HPSE2: variants seen among roughly 807,000 people sequenced by gnomAD.
HPSE2 encodes heparanase 2 (inactive).
A neutral mutation model predicts 60.5 loss-of-function variants in HPSE2; 38 were observed. The observed-to-expected ratio is 0.63, with a 90% CI of 0.48 to 0.82. The LOEUF (loss-of-function observed/expected upper bound fraction) is 0.82. Among genes scored for constraint, HPSE2 ranks in the 40% least tolerant of loss-of-function variants. The pLI is 0.00. For missense variants in HPSE2, 713 were observed against 740.4 expected, an observed-to-expected ratio of 0.96 and a Z score of 0.43; for synonymous variants, 295 against 293.2, an observed-to-expected ratio of 1.01 and a Z score of -0.06.
In HPSE2 at chr10:98,938,736, G is replaced by T. The variant is rs555980767; in HGVS notation, c.611-194680C>A. ...TTCAGACTCAGGAAATACAGAGAAC[G>T]CCACAAAGATACTCCTCAAGAAGAG... is the stretch of plus-strand genomic sequence containing the variant. On this transcript the variant is annotated intron_variant, in intron 3 of 11. Coordinates refer to ENST00000370552, the MANE Select transcript of HPSE2 (RefSeq NM_021828.5). Among the ~76,000 whole-genome samples the T allele has an allele frequency of 1.4e-5, 2 of 143,128 alleles. 1 individual carries two copies. The highest frequency in any genetic ancestry group is 5.7e-5 in the African/African-American group (2 of 35,034). 93.9% of individuals were successfully genotyped at this position (143,128 alleles called of 152,430 possible).
intron 3 of HPSE2, among the ~76,000 whole-genome samples, chr10:98,744,670 A>G (rs927178302): frequency 6.6e-6 from 1 of 152,154 alleles, no homozygotes; most frequent in African/African-American, 2.4e-5. Context: ...ATGTTTGAAA[A>G]TGGGAAGATT....
intron 3 of HPSE2, among the ~76,000 whole-genome samples, chr10:98,767,925 T>C (rs988270855): frequency 4.7e-5 from 7 of 148,670 alleles, no homozygotes; most frequent in African/African-American, 1.7e-4. Context: ...ATTAAACTGA[T>C]ACATATTTAT....
At chr10:99,081,686 G>A (rs549890325) in intron 3 of HPSE2, among the ~76,000 whole-genome samples, 1 of 151,856 alleles carries the variant, frequency 6.6e-6, no homozygotes, top group South Asian at 2.1e-4. Flanking sequence ...ACCCAGGCTG[G>A]AGTGCAGTGG....
At chr10:99,304,914 A>G in the HPSE2 span, among the ~76,000 whole-genome samples, 58 of 152,264 alleles carry the variant, frequency 3.8e-4, no homozygotes, top group Non-Finnish European at 6.8e-4. Flanking sequence ...AATTTTTAAG[A>G]TGAGTCAAAA....
intron 3 of HPSE2, among the ~76,000 whole-genome samples, chr10:98,918,804 A>G (rs1954198894): frequency 6.6e-6 from 1 of 151,582 alleles, no homozygotes; most frequent in African/African-American, 2.4e-5. Flanking sequence ...CATTGTGCAC[A>G]TGTACCCTAA....
At chr10:98,580,836 A>ATATATG in intron 9 of HPSE2, among the ~76,000 whole-genome samples, 1 of 119,558 alleles carries the variant, frequency 8.4e-6, no homozygotes, top group East Asian at 2.2e-4. Context: ...ATATATATAT[A>ATATATG]TGTGTGTGTG....
chr10:99,192,446 C>CT (rs993351724), intron 2 of HPSE2, among the ~76,000 whole-genome samples: 6 of 151,216 alleles, frequency 4.0e-5, no homozygotes, highest in African/African-American at 9.7e-5. Flanking sequence ...AGTAGCATGA[C>CT]TTTTTTTTTA....
intron 2 of HPSE2, among the ~76,000 whole-genome samples, chr10:99,217,512 A>G (rs1849168545): frequency 6.6e-6 from 1 of 151,556 alleles, no homozygotes; most frequent in Non-Finnish European, 1.5e-5. Flanking sequence ...ACCTGGGGAG[A>G]TTTTTTTTAA....
chr10:98,918,073 T>C (rs549062998), intron 3 of HPSE2, among the ~76,000 whole-genome samples: 13 of 152,320 alleles, frequency 8.5e-5, no homozygotes, highest in Non-Finnish European at 1.8e-4. Flanking sequence ...GTTGACCCAG[T>C]AGTGAGGCAA....
chr10:98,816,240 C>T (rs897056291), intron 3 of HPSE2, among the ~76,000 whole-genome samples: 1 of 151,958 alleles, frequency 6.6e-6, no homozygotes, highest in African/African-American at 2.4e-5. Context: ...CCATTACAAT[C>T]TACAGGTTTT....
intron 3 of HPSE2, among the ~76,000 whole-genome samples, chr10:98,793,517 G>A (rs114995148): frequency 0.014 from 2,113 of 152,320 alleles, 43 homozygotes; most frequent in African/African-American, 0.048. Flanking sequence ...GAAGTCATCA[G>A]AACAGACAAG....
At chr10:98,467,791 C>T (rs1309110588) in intron 11 of HPSE2, among the ~76,000 whole-genome samples, 3 of 152,276 alleles carry the variant, frequency 2.0e-5, no homozygotes, top group African/African-American at 7.2e-5. Flanking sequence ...CAATCAAATC[C>T]CAACCAGAAC....
chr10:99,155,636 CCA>C (rs1846514111), intron 2 of HPSE2, among the ~76,000 whole-genome samples: 1 of 144,550 alleles, frequency 6.9e-6, no homozygotes. Flanking sequence ...CACTAAATGC[CCA>C]CAAGAGAAAG....
the HPSE2 span, among the ~76,000 whole-genome samples, chr10:99,308,020 G>A: frequency 6.6e-6 from 1 of 152,040 alleles, no homozygotes; most frequent in South Asian, 2.1e-4. Context: ...ACACACAAGA[G>A]AGTTAAAAAC....
chr10:98,490,721 C>A (rs1056764543), intron 9 of HPSE2, among the ~76,000 whole-genome samples: 1 of 152,162 alleles, frequency 6.6e-6, no homozygotes, highest in Non-Finnish European at 1.5e-5. Context: ...GACCAGAGTC[C>A]TTGATTCCAG....
chr10:99,117,296 A>G (rs1044587422), intron 3 of HPSE2, among the ~76,000 whole-genome samples: 4 of 151,026 alleles, frequency 2.6e-5, no homozygotes, highest in East Asian at 1.9e-4. Flanking sequence ...CAGAGAACCA[A>G]GAGAAAACCA....
intron 3 of HPSE2, among the ~76,000 whole-genome samples, chr10:98,835,752 A>T (rs934956381): frequency 1.3e-5 from 2 of 152,192 alleles, no homozygotes; most frequent in Non-Finnish European, 2.9e-5. Flanking sequence ...CACATATTTT[A>T]AAAAGATGAT....
At chr10:98,666,770 A>G (rs1200056775) in intron 6 of HPSE2, among the ~76,000 whole-genome samples, 6 of 152,210 alleles carry the variant, frequency 3.9e-5, no homozygotes, top group Non-Finnish European at 4.4e-5. Flanking sequence ...AATCCTTGGG[A>G]TGCCACTAAA....
At position 98,959,437 on chromosome 10, in the gene HPSE2, A is replaced by C. The variant is rs116910722; in HGVS notation, c.610+184801T>G. On this transcript the variant is annotated intron_variant, in intron 3 of 11. Transcript: ENST00000370552. ...TGTCCTGCCAAATCCAAACACCCAT[A>C]TATCTTCAAAGGTCTAGCTCATAAA... Among the ~76,000 whole-genome samples the C allele has an allele frequency of 4.0e-4, 60 of 151,780 alleles. No homozygotes were observed. The East Asian group carries it at 0.011, about 27-fold the overall frequency.
Sources: allele counts gnomAD v4.1 joint callset (sites outside exome capture counted in the v4.1 genomes callset), GRCh38; gene constraint gnomAD v4.1.1; transcripts MANE v1.5; gene names NCBI Gene and HGNC (gene_info 2026-07-23, HGNC 2026-07-21).